Variants in EIF4G3 observed in about 807,000 individuals in gnomAD.
EIF4G3 encodes the protein eIF-4-gamma 3.
Under a neutral mutation model 186.4 loss-of-function variants are expected in EIF4G3, and 34 were observed. The ratio of observed to expected loss-of-function variants is 0.18; its 90% confidence interval spans 0.14 to 0.24. The LOEUF is 0.24. Ranked by LOEUF, EIF4G3 falls within the 10% of genes least tolerant of loss-of-function variation. EIF4G3 has a pLI of 1.00. For synonymous variants in EIF4G3, 673 were observed against 679.5 expected (o/e 0.99, Z 0.15); for missense variants, 1,536 against 1,948.5 (o/e 0.79, Z 3.99).
intron 2 of EIF4G3, among the ~76,000 whole-genome samples, chr1:21,118,042 T>C (rs1377171308): frequency 2.6e-5 from 4 of 152,234 alleles, no homozygotes; most frequent in African/African-American, 7.2e-5. Flanking sequence ...GGACACAGTC[T>C]TTTGGCTTGC....
Position 21,007,376 on chromosome 1 carries a change from T to C in EIF4G3, c.-66-4568A>G, listed in dbSNP as rs1202510190. On this transcript the variant is annotated intron_variant, in intron 4 of 36. Coordinates refer to ENST00000602326, the MANE Select transcript of EIF4G3 (RefSeq NM_001391906.1). ...TCGCACCACTGCAATCCAACCTAGATGATAAAAGCGAAACTTCATCTCAAA... is the reference window on the plus strand; with the variant it reads ...TCGCACCACTGCAATCCAACCTAGACGATAAAAGCGAAACTTCATCTCAAA... Among the ~76,000 whole-genome samples the C allele has an allele frequency of 7.2e-5, 11 of 151,848 alleles. No individual in the cohort carries two copies. In the East Asian group the frequency reaches 2.1e-3, roughly 29 times the overall value.
intron 10 of EIF4G3, among the ~76,000 whole-genome samples, chr1:20,977,483 G>A (rs976493158): frequency 2.0e-5 from 3 of 151,904 alleles, no homozygotes; most frequent in East Asian, 1.9e-4. Flanking sequence ...CACCACACCC[G>A]GCCTTTTTAA....
intron 2 of EIF4G3, among the ~76,000 whole-genome samples, chr1:21,156,532 A>C (rs1240465675): frequency 6.6e-6 from 1 of 152,176 alleles, no homozygotes; most frequent in African/African-American, 2.4e-5. Context: ...AACATGTCCT[A>C]AACTGAATTT....
chr1:21,055,668 C>G (rs758649340), intron 3 of EIF4G3, among the ~76,000 whole-genome samples: 2 of 152,018 alleles, frequency 1.3e-5, no homozygotes, highest in African/African-American at 4.8e-5. Context: ...AAGAAAATCT[C>G]ACCTCAAAAA....
At position 21,076,589 on chromosome 1, in the gene EIF4G3, TA is replaced by T. The variant is rs199941253; in HGVS notation, c.-196+12548del. ...TAACCAAAACAGCATGATACTGGAC[TA>T]AAAACATAGACCAATGGAAGACAAC... On this transcript the variant is annotated intron_variant, in intron 3 of 36. Transcript: ENST00000602326. Among the ~76,000 whole-genome samples, 1,371 of 152,244 alleles carry T rather than the reference TA, an allele frequency of 9.0e-3. 10 individuals are homozygous for T. Among genetic ancestry groups the T allele is most frequent in the South Asian group, 0.023 (109 of 4,826 alleles).
chr1:21,167,807 A>G (rs1204585422), intron 2 of EIF4G3, among the ~76,000 whole-genome samples: 1 of 152,180 alleles, frequency 6.6e-6, no homozygotes, highest in Admixed American at 6.5e-5. Flanking sequence ...TTAAAAACTT[A>G]GTATACTTGA....
rs541408379 is a variant in EIF4G3, at chr1:21,162,770, A to G, written c.-272+13405T>C. ...CTCCAAAAAAAAATAAATAAATAAA[A>G]AGATTCCTAATTGTCTAAGCTATGT... On this transcript the variant is annotated intron_variant, in intron 2 of 36. Transcript: ENST00000602326. Among the ~76,000 whole-genome samples the G allele has an allele frequency of 1.6e-4, 25 of 152,246 alleles. 1 individual carries two copies. In the South Asian group the frequency reaches 3.5e-3, roughly 21 times the overall value.
intron 2 of EIF4G3, among the ~76,000 whole-genome samples, chr1:21,135,218 G>C (rs2097217516): frequency 6.6e-6 from 1 of 152,220 alleles, no homozygotes; most frequent in East Asian, 1.9e-4. Context: ...AAACAGGGTA[G>C]GCCAGGCATG....
chr1:21,109,452 A>G (rs975472170), intron 2 of EIF4G3, among the ~76,000 whole-genome samples: 6 of 152,206 alleles, frequency 3.9e-5, no homozygotes, highest in Admixed American at 1.3e-4. Flanking sequence ...CCAGACGAGC[A>G]CAGGCAACCT....
In EIF4G3 at chr1:21,136,516, C is replaced by CA. The variant is rs561610957; in HGVS notation, c.-272+39658dup. ...TGGGTGGCAGAGCGAGACTCCGTAT[C>CA]AAAAAAAAAACAAAAACAAACAAAC... On this transcript the variant is annotated intron_variant, in intron 2 of 36. Coordinates refer to ENST00000602326, the MANE Select transcript of EIF4G3 (RefSeq NM_001391906.1). 5.3e-3 allele frequency among the ~76,000 whole-genome samples: 761 copies of CA among 143,534 alleles called. 3 individuals carry two copies. Among genetic ancestry groups the CA allele is most frequent in the Non-Finnish European group, 7.0e-3 (460 of 65,288 alleles). 94.2% of individuals were successfully genotyped at this position (143,534 alleles called of 152,430 possible).
At chr1:20,980,487 G>C in intron 9 of EIF4G3, 39 bp from the exon 10 acceptor site, 1 of 1,346,684 alleles carries the variant, frequency 7.4e-7, no homozygotes. Flanking sequence ...AAATAATATG[G>C]TATCTGGGGG....
chr1:21,057,959 G>A (rs921666643), intron 3 of EIF4G3, among the ~76,000 whole-genome samples: 3 of 152,054 alleles, frequency 2.0e-5, no homozygotes, highest in African/African-American at 7.2e-5. Flanking sequence ...ACTTGACAGA[G>A]TTTTTTAAAA....
At chr1:20,839,136 C>A (rs1325499213) in intron 30 of EIF4G3, among the ~76,000 whole-genome samples, 1 of 152,112 alleles carries the variant, frequency 6.6e-6, no homozygotes, top group Non-Finnish European at 1.5e-5. Context: ...TGCCACCACG[C>A]CCGGCTAATT....
chr1:21,161,134 G>A (rs897926530), intron 2 of EIF4G3, among the ~76,000 whole-genome samples: 1 of 152,108 alleles, frequency 6.6e-6, no homozygotes, highest in Non-Finnish European at 1.5e-5. Context: ...TCGCACCACT[G>A]CACTCCAGCT....
intron 4 of EIF4G3, among the ~76,000 whole-genome samples, chr1:21,044,438 C>T (rs1449292174): frequency 1.3e-5 from 2 of 151,890 alleles, no homozygotes; most frequent in African/African-American, 4.8e-5. Context: ...ATACATTTTG[C>T]TTTTTTTAAA....
chr1:21,026,367 A>AC (rs1383416482), intron 4 of EIF4G3, among the ~76,000 whole-genome samples: 1 of 152,184 alleles, frequency 6.6e-6, no homozygotes, highest in African/African-American at 2.4e-5. Context: ...TTAGACCCTC[A>AC]CTTAACACCA....
chr1:21,093,819 C>G (rs1313337800), intron 2 of EIF4G3, among the ~76,000 whole-genome samples: 5 of 151,740 alleles, frequency 3.3e-5, no homozygotes, highest in Non-Finnish European at 7.4e-5. Context: ...ATGGATGAAG[C>G]TGGAAACCAT....
chr1:21,025,520 TA>T lies in EIF4G3; in HGVS notation c.-66-22713del, dbSNP rs374284973. 4.8e-3 allele frequency among the ~76,000 whole-genome samples: 736 copies of T among 152,098 alleles called. 6 individuals carry two copies. Among genetic ancestry groups the T allele is most frequent in the African/African-American group, 0.017 (702 of 41,482 alleles). On this transcript the variant is annotated intron_variant, in intron 4 of 36. Transcript: ENST00000602326. ...GCAGGATTTTCTGAGCACCTAAATA[TA>T]AGGGGAAGAAAGCTGCTTCTCCAAG... is the stretch of plus-strand genomic sequence containing the variant.
In EIF4G3 at chr1:20,950,080, G is replaced by A. The variant is rs577962688; in HGVS notation, c.746C>T (p.Pro249Leu). 1 of 1,605,560 alleles carries A rather than the reference G, an allele frequency of 6.2e-7. No homozygotes were observed. Residue 249 changes from proline to leucine, a missense_variant, in exon 13 of 37, where the codon CCT becomes CTT. Pro to Leu is a moderately conservative substitution (Grantham distance 98). This residue lies in a region of EIF4G3 where 560 missense variants were observed against 547.8 expected (regional missense o/e 1.02). Transcript: ENST00000602326. Reference protein sequence around the residue: ...QLPSQVPEHSPVVYGTVESAH... With the variant: ...QLPSQVPEHSLVVYGTVESAH... ...GCTCTCCACAGTCCCATAAACCACA[G>A]GGCTGTGCTCGGGGACCTGGCTGGG...
Sources: gnomAD v4.1 joint callset for allele counts (sites outside exome capture counted in the v4.1 genomes callset) on GRCh38, gnomAD v4.1.1 for gene constraint, gnomAD v4.1.1 regional missense constraint, MANE v1.5 for transcripts, NCBI Gene and HGNC (gene_info 2026-07-23, HGNC 2026-07-21) for gene names.